Variants in NVL observed in about 807,000 individuals in gnomAD.
NVL encodes the protein nuclear valosin-containing protein-like.
NVL carries 84 observed loss-of-function variants against 110.2 expected under a neutral mutation model. The observed-to-expected ratio is 0.76, with a 90% CI of 0.64 to 0.91. The LOEUF is 0.91. Ranked by LOEUF, NVL falls within the 40% of genes least tolerant of loss-of-function variation. The probability of loss-of-function intolerance (pLI) is 0.00; values close to 1 mark genes in which losing one functional copy is unlikely to be tolerated. For missense variants in NVL, 882 were observed against 1,035.9 expected, an observed-to-expected ratio of 0.85 and a Z score of 2.04; for synonymous variants, 354 against 361.1, an observed-to-expected ratio of 0.98 and a Z score of 0.22.
chr1:224,301,212 A>C (rs1393145039), intron 9 of NVL, among the ~76,000 whole-genome samples: 1 of 152,136 alleles, frequency 6.6e-6, no homozygotes, highest in Non-Finnish European at 1.5e-5. Context: ...TCTTTTCTGA[A>C]TAAAGGGTCT....
At chr1:224,294,135 C>T in intron 12 of NVL, 132 bp downstream of exon 12, 1 of 1,011,782 alleles carries the variant, frequency 9.9e-7, no homozygotes, top group Admixed American at 2.3e-5. Context: ...TCTCCTTTTC[C>T]AAATCAATTT....
chr1:224,322,362 G>A (rs1054659508), intron 2 of NVL, among the ~76,000 whole-genome samples: 7 of 151,732 alleles, frequency 4.6e-5, no homozygotes, highest in Non-Finnish European at 1.0e-4. Flanking sequence ...GAAATTACAG[G>A]TGTGAGCCAC....
In NVL at chr1:224,330,079, C is replaced by T; in HGVS notation, c.49G>A (p.Val17Ile). The change falls in exon 1 of 23, where the codon GTC becomes ATC. Residue 17 changes from valine (V) to isoleucine (I), a missense_variant. Physicochemically the swap from Val to Ile is conservative, Grantham distance 29. Transcript: ENST00000281701. ...GFVDNKLKQR[V>I]IQYLTSNKCG... ...CGGTGCAGAATACACACCTGGATGA[C>T]TCGCTGCTTGAGTTTATTATCCACG... The T allele has an allele frequency of 1.2e-6, 2 of 1,614,122 alleles. No individual in the cohort carries two copies. The highest frequency in any genetic ancestry group is 1.7e-6 in the Non-Finnish European group (2 of 1,180,008).
chr1:224,228,732 G>T (rs1571737525), intron 22 of NVL, among the ~76,000 whole-genome samples: 2 of 149,120 alleles, frequency 1.3e-5, no homozygotes, highest in Admixed American at 1.3e-4. Context: ...GAGGTCAGGA[G>T]ATCGAGACCA....
At chr1:224,242,509 A>G (rs1661312079) in intron 19 of NVL, among the ~76,000 whole-genome samples, 2 of 112,146 alleles carry the variant, frequency 1.8e-5, no homozygotes, top group Admixed American at 1.2e-4. Flanking sequence ...TTTTTTTGAG[A>G]CGGAGTCTCA....
At chr1:224,252,884 G>A (rs1230079505) in intron 18 of NVL, among the ~76,000 whole-genome samples, 1 of 152,128 alleles carries the variant, frequency 6.6e-6, no homozygotes, top group Non-Finnish European at 1.5e-5. Flanking sequence ...TCCTTAGGCA[G>A]CCACCTATCT....
At chr1:224,263,910 G>A (rs1008548780) in intron 18 of NVL, among the ~76,000 whole-genome samples, 2 of 152,160 alleles carry the variant, frequency 1.3e-5, no homozygotes, top group Non-Finnish European at 2.9e-5. Flanking sequence ...AGCTACTCGG[G>A]AGGCTGAGGC....
At chr1:224,293,516 G>A (rs1667579704) in intron 12 of NVL, among the ~76,000 whole-genome samples, 2 of 152,220 alleles carry the variant, frequency 1.3e-5, no homozygotes, top group South Asian at 4.1e-4. Context: ...AGGAAAGGCT[G>A]GTACTGCAGC....
chr1:224,298,549 T>C (rs182561687), intron 10 of NVL: 74 of 221,916 alleles, frequency 3.3e-4, no homozygotes, highest in Middle Eastern at 1.2e-3. Context: ...TGAGAACCAA[T>C]AGGAAGGAGC....
Position 224,324,901 on chromosome 1 carries a change from T to C in NVL, c.131+1490A>G, listed in dbSNP as rs554096272. On this transcript the variant is annotated intron_variant, in intron 2 of 22. Coordinates refer to ENST00000281701, the MANE Select transcript of NVL (RefSeq NM_002533.4). ...ATTGTGTTTCCCTTATATTCTTATGTTGATGTCCTAACCCCCAGTACCTCT... is the reference window on the plus strand; with the variant it reads ...ATTGTGTTTCCCTTATATTCTTATGCTGATGTCCTAACCCCCAGTACCTCT... Among the ~76,000 whole-genome samples, 5 of 152,328 alleles carry C rather than the reference T, an allele frequency of 3.3e-5. No homozygotes were observed. The South Asian group carries it at 6.2e-4, about 19-fold the overall frequency.
intron 19 of NVL, among the ~76,000 whole-genome samples, chr1:224,244,239 C>T (rs1164868020): frequency 2.0e-5 from 3 of 151,078 alleles, no homozygotes; most frequent in African/African-American, 4.9e-5. Context: ...TGGTGGCAGA[C>T]ACCTGTAATC....
intron 15 of NVL, among the ~76,000 whole-genome samples, chr1:224,285,291 C>T (rs963393109): frequency 5.9e-5 from 9 of 151,956 alleles, no homozygotes; most frequent in East Asian, 1.9e-4. Context: ...AAAAATTAGC[C>T]GGGCGTGGTG....
At chr1:224,294,631 T>C (rs1328901123) in intron 11 of NVL, among the ~76,000 whole-genome samples, 6 of 152,196 alleles carry the variant, frequency 3.9e-5, no homozygotes, top group African/African-American at 7.2e-5. Flanking sequence ...TTGAGAAACA[T>C]TGAGTGTGTA....
chr1:224,318,468 A>C (rs115818102), intron 2 of NVL, among the ~76,000 whole-genome samples: 164 of 151,964 alleles, frequency 1.1e-3, no homozygotes, highest in African/African-American at 3.8e-3. Flanking sequence ...CAGGTATGGT[A>C]GTACGTGGCT....
intron 22 of NVL, among the ~76,000 whole-genome samples, chr1:224,229,836 A>G (rs1659669366): frequency 6.6e-6 from 1 of 151,854 alleles, no homozygotes; most frequent in Non-Finnish European, 1.5e-5. Context: ...TTCTGTGTTT[A>G]TTTGTTTGTT....
intron 5 of NVL, 67 bp downstream of exon 5, chr1:224,311,733 T>C: frequency 8.1e-7 from 1 of 1,239,700 alleles, no homozygotes; most frequent in Non-Finnish European, 1.2e-6. Context: ...ACTGAGTTTT[T>C]CAAGGGAGGT....
At chr1:224,275,105 T>A (rs1665623828) in intron 17 of NVL, among the ~76,000 whole-genome samples, 1 of 152,194 alleles carries the variant, frequency 6.6e-6, no homozygotes, top group Non-Finnish European at 1.5e-5. Flanking sequence ...TTTGTGTGAA[T>A]TAGGATGACC....
At chr1:224,286,170 A>G (rs1666842307) in intron 14 of NVL, 40 bp from the exon 15 acceptor site, 1 of 1,371,364 alleles carries the variant, frequency 7.3e-7, no homozygotes, top group Non-Finnish European at 1.0e-6. Context: ...TTACATGTCC[A>G]TTTTATACTG....
chr1:224,285,704 C>T (rs193112781), intron 15 of NVL, among the ~76,000 whole-genome samples: 123 of 151,732 alleles, frequency 8.1e-4, no homozygotes, highest in Middle Eastern at 3.4e-3. Context: ...AATAACAATA[C>T]CAAAGCAGGA....
Sources: allele counts gnomAD v4.1 joint callset (sites outside exome capture counted in the v4.1 genomes callset), GRCh38; gene constraint gnomAD v4.1.1; transcripts MANE v1.5; gene names NCBI Gene and HGNC (gene_info 2026-07-23, HGNC 2026-07-21).